The following LTBP4 variants were observed in gnomAD, a reference collection of about 807,000 sequenced individuals.
LTBP4 encodes the protein latent transforming growth factor beta binding protein 4, also known as latent-transforming growth factor beta-binding protein 4.
Under a neutral mutation model 180.2 loss-of-function variants are expected in LTBP4, and 93 were observed. That is an observed-to-expected ratio of 0.52 (90% CI 0.44 to 0.61). The LOEUF (loss-of-function observed/expected upper bound fraction) is 0.61. Among genes scored for constraint, LTBP4 ranks in the 20% least tolerant of loss-of-function variants. LTBP4 has a pLI of 0.00. For synonymous variants in LTBP4, 947 were observed against 934.5 expected, an observed-to-expected ratio of 1.01 and a Z score of -0.24; for missense variants, 2,116 against 2,256.5, an observed-to-expected ratio of 0.94 and a Z score of 1.26.
At chr19:40,627,546 A>T (rs1447998885) in intron 28 of LTBP4, among the ~76,000 whole-genome samples, 159 bp from the exon 29 acceptor site, 1 of 152,074 alleles carries the variant, frequency 6.6e-6, no homozygotes, top group Non-Finnish European at 1.5e-5. Context: ...CTGGCGAGAG[A>T]ATGAGGTAAG....
intron 28 of LTBP4, 82 bp downstream of exon 28, chr19:40,627,437 G>A (rs531186974): frequency 1.2e-5 from 17 of 1,428,912 alleles, no homozygotes; most frequent in Admixed American, 8.3e-5. Context: ...CAGAAGGCGG[G>A]AGGAGAGACG....
At chr19:40,594,030 G>A (rs927030965) in intron 1 of LTBP4, among the ~76,000 whole-genome samples, 6 of 151,490 alleles carry the variant, frequency 4.0e-5, no homozygotes, top group Non-Finnish European at 8.8e-5. Context: ...CTGACCTCAA[G>A]TGATCTGCCC....
intron 21 of LTBP4, among the ~76,000 whole-genome samples, chr19:40,618,242 A>G (rs2081563655): frequency 6.6e-6 from 1 of 150,540 alleles, no homozygotes; most frequent in Non-Finnish European, 1.5e-5. Context: ...TAATGTTTTT[A>G]ATTTTTGTAG....
chr19:40,625,291 TATATATA>T (rs2081622190), intron 26 of LTBP4, among the ~76,000 whole-genome samples: 7 of 11,432 alleles, frequency 6.1e-4, no homozygotes, highest in African/African-American at 2.1e-3. Context: ...TATATATATA[TATATATA>T]TATATATATA....
intron 19 of LTBP4, among the ~76,000 whole-genome samples, chr19:40,614,955 G>A (rs1013121701): frequency 1.3e-5 from 2 of 152,158 alleles, no homozygotes; most frequent in Admixed American, 6.6e-5. Flanking sequence ...GCCCGTTTAA[G>A]CTCTGCCCTT....
chr19:40,595,019 T>C (rs2146007165), intron 1 of LTBP4, among the ~76,000 whole-genome samples: 1 of 150,254 alleles, frequency 6.7e-6, no homozygotes, highest in Non-Finnish European at 1.5e-5. Flanking sequence ...CCTGTGTGGG[T>C]GGAGCCTGGG....
Position 40,627,183 on chromosome 19 carries a change from T to A in LTBP4, c.4194T>A (p.Pro1398=). 6.2e-7 allele frequency: 1 copy of A among 1,613,028 alleles called. No individual in the cohort carries two copies. The highest frequency in any genetic ancestry group is 8.5e-7 in the Non-Finnish European group (1 of 1,179,590). Residue 1398 remains proline (P), a synonymous_variant, in exon 28 of 30, where the codon CCT becomes CCA. Transcript: ENST00000396819. ...PPGPFARREA[P]YGAPRFDMPD... ...GGCCCTTCGCCCGCCGGGAGGCTCCTTATGGGGCACCCCGCTTCGACATGC... is the reference window on the plus strand; with the variant it reads ...GGCCCTTCGCCCGCCGGGAGGCTCCATATGGGGCACCCCGCTTCGACATGC...
chr19:40,619,558 C>A, intron 22 of LTBP4, 65 bp downstream of exon 22: 1 of 1,518,576 alleles, frequency 6.6e-7, no homozygotes. Context: ...GTGGTCTAAT[C>A]ATTCCTGATG....
chr19:40,602,486 T>G (rs2081431454), intron 1 of LTBP4, among the ~76,000 whole-genome samples: 1 of 151,930 alleles, frequency 6.6e-6, no homozygotes, highest in African/African-American at 2.4e-5. Context: ...AGCGGAGAAC[T>G]CGCCCAGCCT....
chr19:40,626,034 C>G, intron 27 of LTBP4, 25 bp downstream of exon 27: 1 of 1,566,824 alleles, frequency 6.4e-7, no homozygotes, highest in Non-Finnish European at 8.6e-7. Context: ...CTAGGCTGAA[C>G]TCAGAGGCCT....
intron 27 of LTBP4, 115 bp from the exon 28 acceptor site, chr19:40,626,860 G>A (rs1319125161): frequency 1.7e-5 from 22 of 1,299,262 alleles, no homozygotes; most frequent in Non-Finnish European, 2.0e-5. Flanking sequence ...GAAACCCCGG[G>A]GCCACCCAGG....
At position 40,611,453 on chromosome 19, in the gene LTBP4, A is replaced by T; in HGVS notation, c.2053+59A>T. The T allele has an allele frequency of 2.6e-6, 4 of 1,550,462 alleles. No homozygotes were observed. Among genetic ancestry groups the T allele is most frequent in the Non-Finnish European group, 3.5e-6 (4 of 1,153,324 alleles). ...TGTTTGCTGTGGAGACTGGAGAGAG[A>T]TTATTGAGGGGCAGAGAGGCAGAGT... On this transcript the variant is annotated intron_variant, in intron 13 of 29. Transcript: ENST00000396819. This position sits in a 1 kb window ranked among gnomAD's most constrained non-coding sequence, Gnocchi z 4.4.
chr19:40,605,712 C>G lies in LTBP4; in HGVS notation c.691-17C>G, dbSNP rs566004890. The G allele has an allele frequency of 6.5e-7, 1 of 1,547,312 alleles. No individual in the cohort carries two copies. Among genetic ancestry groups the G allele is most frequent in the African/African-American group, 1.4e-5 (1 of 73,132 alleles). ...TGCCTCCGCGCGGGGGCGCGCTCAC[C>G]CAACACTTCCCCGCAGTGCGCGTCC... On this transcript the variant is annotated splice_polypyrimidine_tract_variant and intron_variant, in intron 3 of 29. Transcript: ENST00000396819. The surrounding 1 kb of genome is among the most constrained non-coding windows in gnomAD (Gnocchi z 5.5).
chr19:40,625,802 C>T lies in LTBP4; in HGVS notation c.3833-55C>T. On this transcript the variant is annotated intron_variant, in intron 26 of 29. Transcript: ENST00000396819. Reference sequence around the variant, plus strand: ...TGCTCAGCAGGGGAAGGGTCCAGCCCCTGGGAGGACCTGAGTGCCAGGCCC... The same window carrying T: ...TGCTCAGCAGGGGAAGGGTCCAGCCTCTGGGAGGACCTGAGTGCCAGGCCC... 2.7e-6 allele frequency: 4 copies of T among 1,458,116 alleles called. No individual in the cohort carries two copies. The South Asian group carries it at 4.3e-5, about 16-fold the overall frequency. 90.3% of individuals were successfully genotyped at this position (1,458,116 alleles called of 1,614,324 possible). A position where few individuals can be genotyped will look rare whatever the true frequency, so the allele number is the denominator to read the frequency against.
intron 26 of LTBP4, 43 bp downstream of exon 26, chr19:40,624,125 G>A: frequency 6.7e-7 from 1 of 1,482,262 alleles, no homozygotes; most frequent in African/African-American, 1.4e-5. Flanking sequence ...CCCTTGGCTC[G>A]GCCTCACACC....
Position 40,629,488 on chromosome 19 carries a change from C to A in LTBP4, c.4612C>A (p.Arg1538Ser), listed in dbSNP as rs1245447833. 1 of 1,606,802 alleles carries A rather than the reference C, an allele frequency of 6.2e-7. No homozygotes were observed. The highest frequency in any genetic ancestry group is 8.5e-7 in the Non-Finnish European group (1 of 1,175,576). ...NTDGSFRCIC[R>S]PGFAPTHQPH... ...GGATGGCTCCTTCCGCTGCATCTGC[C>A]GCCCGGGATTCGCACCCACGCACCA... The change falls in exon 30 of 30, where the codon CGC becomes AGC. Residue 1538 changes from arginine (R) to serine (S), a missense_variant. Arg to Ser is a moderately radical substitution (Grantham distance 110). Coordinates refer to ENST00000396819, the MANE Select transcript of LTBP4 (RefSeq NM_001042545.2). The surrounding 1 kb of genome is among the most constrained non-coding windows in gnomAD (Gnocchi z 4.5).
Position 40,622,047 on chromosome 19 carries a change from C to T in LTBP4, c.3218-354C>T, listed in dbSNP as rs533810271. Reference sequence around the variant, plus strand: ...GACAGGCAGGAGCCACTGCACCTGGCGACAAATTGTAGGTTTTGAGATGAA... The same window carrying T: ...GACAGGCAGGAGCCACTGCACCTGGTGACAAATTGTAGGTTTTGAGATGAA... On this transcript the variant is annotated intron_variant, in intron 22 of 29. Coordinates refer to ENST00000396819, the MANE Select transcript of LTBP4 (RefSeq NM_001042545.2). This position sits in a 1 kb window ranked among gnomAD's most constrained non-coding sequence, Gnocchi z 5.1. 2.3e-4 allele frequency among the ~76,000 whole-genome samples: 35 copies of T among 152,220 alleles called. No individual in the cohort carries two copies. Among genetic ancestry groups the T allele is most frequent in the African/African-American group, 4.3e-4 (18 of 41,536 alleles).
At chr19:40,604,372 C>G (rs2146019578) in intron 1 of LTBP4, among the ~76,000 whole-genome samples, 1 of 151,986 alleles carries the variant, frequency 6.6e-6, no homozygotes, top group Middle Eastern at 3.4e-3. Context: ...GGAGTTATGC[C>G]AGGGAGTGGT....
chr19:40,605,677 G>C lies in LTBP4; in HGVS notation c.690+25G>C, dbSNP rs1312825645. 6.4e-7 allele frequency: 1 copy of C among 1,550,436 alleles called. No homozygotes were observed. The highest frequency in any genetic ancestry group is 1.4e-5 in the African/African-American group (1 of 73,120). On this transcript the variant is annotated intron_variant, in intron 3 of 29. Transcript: ENST00000396819. This position sits in a 1 kb window ranked among gnomAD's most constrained non-coding sequence, Gnocchi z 5.5. ...AGTGAGAGGAGGCCCGTGGGGAGGG[G>C]CCCGGAGCTTGCCTCCGCGCGGGGG...
Sources: gnomAD v4.1 joint callset for allele counts (sites outside exome capture counted in the v4.1 genomes callset) on GRCh38, gnomAD v4.1.1 for gene constraint, Gnocchi (gnomAD v3.1) non-coding constraint, MANE v1.5 for transcripts, NCBI Gene and HGNC (gene_info 2026-07-23, HGNC 2026-07-21) for gene names.